The following C12orf42 variants were observed in gnomAD, a reference collection of about 807,000 sequenced individuals.
C12orf42 encodes the protein chromosome 12 open reading frame 42.
In C12orf42, 25 loss-of-function variants were observed where a neutral mutation model predicts 21.6. The observed-to-expected ratio is 1.16, with a 90% CI of 0.84 to 1.62. C12orf42 has a LOEUF of 1.62. Among genes scored for constraint, C12orf42 ranks in the 40% most tolerant of loss-of-function variants. C12orf42 has a pLI of 0.00. For missense variants in C12orf42, 483 were observed against 459.3 expected (o/e 1.05, Z -0.47); for synonymous variants, 174 against 175.0 (o/e 0.99, Z 0.05).
the C12orf42 span, among the ~76,000 whole-genome samples, chr12:103,120,232 G>A: frequency 6.6e-6 from 1 of 152,190 alleles, no homozygotes; most frequent in Admixed American, 6.5e-5. Context: ...AATGTGTTAA[G>A]TGCAATAATA....
intron 2 of C12orf42, among the ~76,000 whole-genome samples, chr12:103,412,386 C>G (rs1183971369): frequency 1.3e-5 from 2 of 152,280 alleles, no homozygotes; most frequent in South Asian, 2.1e-4. Context: ...TTGAAAGAGA[C>G]AGCTGGGCGC....
At chr12:103,155,003 A>C in the C12orf42 span, 1 of 152,202 alleles carries the variant, frequency 6.6e-6, no homozygotes, top group Non-Finnish European at 1.5e-5. Flanking sequence ...TGGTGCCCAA[A>C]GCGAAACCTC....
At chr12:103,340,597 C>T (rs1247577418) in intron 4 of C12orf42, among the ~76,000 whole-genome samples, 2 of 151,972 alleles carry the variant, frequency 1.3e-5, no homozygotes, top group East Asian at 3.9e-4. Flanking sequence ...GTAAAATTTG[C>T]AATGTTTGCC....
At chr12:103,057,224 T>C in the C12orf42 span, among the ~76,000 whole-genome samples, 1 of 151,856 alleles carries the variant, frequency 6.6e-6, no homozygotes, top group African/African-American at 2.4e-5. Flanking sequence ...GGGATACATG[T>C]GCAGAATGTG....
chr12:103,518,232 A>T, the C12orf42 span, among the ~76,000 whole-genome samples: 1 of 152,214 alleles, frequency 6.6e-6, no homozygotes, highest in Non-Finnish European at 1.5e-5. Flanking sequence ...GGCTAGTTTA[A>T]GCAGAATAGG....
At chr12:103,460,590 G>T (rs968964375) in intron 2 of C12orf42, among the ~76,000 whole-genome samples, 11 of 152,120 alleles carry the variant, frequency 7.2e-5, no homozygotes, top group Non-Finnish European at 1.6e-4. Flanking sequence ...TGCCCTTAAA[G>T]GTTTCTGAAG....
At chr12:103,324,274 C>T (rs2040461219) in intron 4 of C12orf42, among the ~76,000 whole-genome samples, 2 of 152,140 alleles carry the variant, frequency 1.3e-5, no homozygotes, top group South Asian at 2.1e-4. Flanking sequence ...AGTTTTGTAA[C>T]TACTGATTCA....
At chr12:103,404,678 G>A (rs2048290866) in intron 2 of C12orf42, among the ~76,000 whole-genome samples, 1 of 152,188 alleles carries the variant, frequency 6.6e-6, no homozygotes, top group Non-Finnish European at 1.5e-5. Flanking sequence ...AAATGAAAGA[G>A]AAAGGCAAAA....
the C12orf42 span, among the ~76,000 whole-genome samples, chr12:103,563,464 C>A: frequency 6.6e-6 from 1 of 152,182 alleles, no homozygotes; most frequent in Non-Finnish European, 1.5e-5. Context: ...CACTGCATAA[C>A]AAATATGTCT....
chr12:103,509,407 C>A, the C12orf42 span, among the ~76,000 whole-genome samples: 2 of 152,116 alleles, frequency 1.3e-5, no homozygotes. Context: ...AGCCCCTGAG[C>A]CAAGCGTAAG....
intron 1 of C12orf42, among the ~76,000 whole-genome samples, chr12:103,489,786 G>A (rs1050336565): frequency 4.6e-5 from 7 of 152,320 alleles, no homozygotes; most frequent in African/African-American, 9.6e-5. Context: ...CTGGTCTGCC[G>A]GTTGCTAAGA....
the C12orf42 span, among the ~76,000 whole-genome samples, chr12:103,220,567 TC>T: frequency 2.0e-5 from 3 of 152,104 alleles, no homozygotes; most frequent in African/African-American, 7.2e-5. Flanking sequence ...CGTGAGAAAA[TC>T]CTTTAAGCTG....
At chr12:103,073,278 A>G in the C12orf42 span, among the ~76,000 whole-genome samples, 1 of 152,172 alleles carries the variant, frequency 6.6e-6, no homozygotes, top group Non-Finnish European at 1.5e-5. Context: ...AACCCCCATG[A>G]CACAAGTTTA....
the C12orf42 span, among the ~76,000 whole-genome samples, chr12:103,215,356 A>C: frequency 6.6e-6 from 1 of 152,156 alleles, no homozygotes; most frequent in African/African-American, 2.4e-5. Flanking sequence ...ATTAATAAAA[A>C]TCTGATAATG....
intron 2 of C12orf42, among the ~76,000 whole-genome samples, chr12:103,408,324 G>A (rs1045014906): frequency 5.9e-5 from 9 of 152,188 alleles, no homozygotes; most frequent in African/African-American, 2.2e-4. Context: ...AGAGTCAAGT[G>A]TTGACTTTTT....
chr12:103,071,074 CA>C, the C12orf42 span, among the ~76,000 whole-genome samples: 1 of 152,016 alleles, frequency 6.6e-6, no homozygotes, highest in Non-Finnish European at 1.5e-5. Context: ...CATTAGGAAA[CA>C]ATCATGAAAG....
chr12:103,539,715 G>A, the C12orf42 span, among the ~76,000 whole-genome samples: 1 of 151,758 alleles, frequency 6.6e-6, no homozygotes, highest in East Asian at 1.9e-4. Flanking sequence ...GAGTAGCTGG[G>A]ATTACAGGTG....
intron 4 of C12orf42, among the ~76,000 whole-genome samples, chr12:103,337,875 G>C (rs547956039): frequency 6.6e-6 from 1 of 151,522 alleles, no homozygotes; most frequent in South Asian, 2.1e-4. Flanking sequence ...TTTTTTTTCT[G>C]TGCTCTTTTA....
intron 3 of C12orf42, among the ~76,000 whole-genome samples, chr12:103,386,027 C>T (rs1213929101): frequency 3.9e-5 from 6 of 152,322 alleles, no homozygotes; most frequent in South Asian, 4.1e-4. Context: ...CCTGGCAGCA[C>T]GGTTCTAGGC....
Sources: gnomAD v4.1 joint callset for allele counts (sites outside exome capture counted in the v4.1 genomes callset) on GRCh38, gnomAD v4.1.1 for gene constraint, MANE v1.5 for transcripts, NCBI Gene and HGNC (gene_info 2026-07-23, HGNC 2026-07-21) for gene names.